Variants in SNX6 observed in about 807,000 individuals in gnomAD.
SNX6 encodes sorting nexin 6, also known as sorting nexin-6.
SNX6 carries 34 observed loss-of-function variants against 63.0 expected under a neutral mutation model. The ratio of observed to expected loss-of-function variants is 0.54; its 90% CI spans 0.41 to 0.72. The LOEUF (loss-of-function observed/expected upper bound fraction) is 0.72. SNX6 is among the 30% of genes least tolerant of loss of function. SNX6 has a pLI of 0.00. For missense variants in SNX6, 398 were observed against 471.4 expected (o/e 0.84, Z 1.44); for synonymous variants, 170 against 164.2 (o/e 1.04, Z -0.27).
rs754259137 is a variant in SNX6, at chr14:34,597,549, C to T, written c.612+1G>A. 1 of 1,545,738 alleles carries T rather than the reference C, an allele frequency of 6.5e-7. No homozygotes were observed. Among genetic ancestry groups the T allele is most frequent in the Admixed American group, 1.7e-5 (1 of 57,168 alleles). Reference sequence around the variant, plus strand: ...CCACAGTTAATCAAATAAAATCTTACCTTTACTCCTGAAACGATTACTCCA... The same window carrying T: ...CCACAGTTAATCAAATAAAATCTTATCTTTACTCCTGAAACGATTACTCCA... On this transcript the variant is annotated splice_donor_variant, in intron 7 of 13. Transcript: ENST00000362031. LOFTEE classifies it high-confidence loss of function.
intron 3 of SNX6, among the ~76,000 whole-genome samples, chr14:34,609,023 G>A (rs562309532): frequency 1.1e-4 from 16 of 151,592 alleles, no homozygotes; most frequent in Admixed American, 9.9e-4. Flanking sequence ...CAGAGACTCC[G>A]TCTCAAAAAA....
At chr14:34,629,480 A>C in intron 2 of SNX6, 1 of 476,802 alleles carries the variant, frequency 2.1e-6, no homozygotes, top group Non-Finnish European at 4.1e-6. Context: ...AGAGAGACAG[A>C]AGGGTGGGCG....
chr14:34,572,581 G>A (rs1434789218), intron 11 of SNX6, among the ~76,000 whole-genome samples: 1 of 152,076 alleles, frequency 6.6e-6, no homozygotes, highest in African/African-American at 2.4e-5. Flanking sequence ...GATCAGGTGG[G>A]AATTTTGTGT....
chr14:34,581,460 C>T (rs1881931564), intron 10 of SNX6, 101 bp downstream of exon 10: 1 of 653,222 alleles, frequency 1.5e-6, no homozygotes, highest in Non-Finnish European at 2.7e-6. Context: ...CAATAGTGAT[C>T]ACTCTTTTAA....
chr14:34,568,722 AGCGATTCTGTC>A, intron 11 of SNX6: 1 of 885,920 alleles, frequency 1.1e-6, no homozygotes. Flanking sequence ...CCACCTGTCC[AGCGATTCTGTC>A]CAGATCTCTC....
chr14:34,575,623 A>G, intron 11 of SNX6, 133 bp downstream of exon 11: 1 of 450,252 alleles, frequency 2.2e-6, no homozygotes, highest in Non-Finnish European at 4.1e-6. Context: ...TAAAAGGAGA[A>G]ATAGAATTCA....
At chr14:34,610,909 A>G (rs1883203031) in intron 2 of SNX6, among the ~76,000 whole-genome samples, 3 of 152,200 alleles carry the variant, frequency 2.0e-5, no homozygotes, top group Admixed American at 2.0e-4. Context: ...AATTTTAATT[A>G]TATTGTAAAT....
At chr14:34,607,348 G>A (rs1408208974) in intron 4 of SNX6, among the ~76,000 whole-genome samples, 2 of 151,900 alleles carry the variant, frequency 1.3e-5, no homozygotes, top group Non-Finnish European at 2.9e-5. Flanking sequence ...GCTCATGCCT[G>A]TAATCCCAGA....
intron 2 of SNX6, among the ~76,000 whole-genome samples, chr14:34,611,141 C>T (rs543986598): frequency 3.3e-5 from 5 of 152,222 alleles, no homozygotes; most frequent in Admixed American, 2.6e-4. Context: ...TATAGTCGTG[C>T]GCCCCCACAT....
At chr14:34,589,199 T>C (rs1026903621) in intron 8 of SNX6, among the ~76,000 whole-genome samples, 1 of 152,064 alleles carries the variant, frequency 6.6e-6, no homozygotes, top group East Asian at 1.9e-4. Context: ...CTCACGCCTG[T>C]AATCCCAGCA....
intron 13 of SNX6, 110 bp downstream of exon 13, chr14:34,567,576 T>C (rs921828828): frequency 2.5e-4 from 197 of 800,120 alleles, no homozygotes; most frequent in Middle Eastern, 8.3e-4. Context: ...TCAGGAATAG[T>C]TGTCACAGTA....
chr14:34,605,067 T>G (rs1882962000), intron 5 of SNX6, among the ~76,000 whole-genome samples: 1 of 152,146 alleles, frequency 6.6e-6, no homozygotes, highest in South Asian at 2.1e-4. Flanking sequence ...TGTATTAGTT[T>G]CTTGAAAAAA....
rs535027186 is a variant in SNX6, at chr14:34,580,591, G to C, written c.834+970C>G. Among the ~76,000 whole-genome samples, 9 of 152,020 alleles carry C rather than the reference G, an allele frequency of 5.9e-5. No homozygotes were observed. The East Asian group carries it at 1.5e-3, about 26-fold the overall frequency. ...TGGCATTATGGGCGTGACCCACCTG[G>C]CCTGGTTCCTTTATTCTTATTGGTA... On this transcript the variant is annotated intron_variant, in intron 10 of 13. Coordinates refer to ENST00000362031, the MANE Select transcript of SNX6 (RefSeq NM_152233.4).
intron 7 of SNX6, among the ~76,000 whole-genome samples, chr14:34,597,003 C>T (rs960862794): frequency 2.6e-5 from 4 of 152,192 alleles, no homozygotes; most frequent in African/African-American, 7.2e-5. Context: ...CAAAGCTGAA[C>T]CTAGGTCTGC....
chr14:34,592,962 T>C (rs905822568), intron 8 of SNX6, 83 bp downstream of exon 8: 4 of 997,294 alleles, frequency 4.0e-6, no homozygotes, highest in African/African-American at 3.3e-5. Context: ...TACTGCTCTA[T>C]ATTAAGACTT....
At chr14:34,614,623 T>C (rs952633318) in intron 2 of SNX6, among the ~76,000 whole-genome samples, 3 of 152,144 alleles carry the variant, frequency 2.0e-5, no homozygotes, top group Non-Finnish European at 4.4e-5. Flanking sequence ...TTAATATTTA[T>C]ATGAAATATT....
At chr14:34,618,396 G>A (rs1883504706) in intron 2 of SNX6, among the ~76,000 whole-genome samples, 1 of 152,098 alleles carries the variant, frequency 6.6e-6, no homozygotes, top group African/African-American at 2.4e-5. Context: ...TGTCGCCAAG[G>A]CTGGAGTACA....
At chr14:34,600,803 C>T (rs1566482151) in intron 6 of SNX6, among the ~76,000 whole-genome samples, 1 of 151,942 alleles carries the variant, frequency 6.6e-6, no homozygotes, top group African/African-American at 2.4e-5. Flanking sequence ...CTTGGGAGGC[C>T]GACGCAGGCA....
At position 34,609,764 on chromosome 14, in the gene SNX6, C is replaced by T. The variant is rs372530906; in HGVS notation, c.55-22G>A. ...TAAGCTAGAAAAAGAAAACCAGTAT[C>T]TTCATGAAAATCATGTTTTATATAA... On this transcript the variant is annotated intron_variant, in intron 2 of 13. Transcript: ENST00000362031. The T allele has an allele frequency of 6.9e-6, 10 of 1,451,432 alleles. No individual in the cohort carries two copies. In the African/African-American group the frequency reaches 1.4e-4, roughly 20 times the overall value. The allele number at this position is 1,451,432 out of a possible 1,614,324, so 89.9% of individuals were successfully genotyped here.
Sources: gnomAD v4.1 joint callset for allele counts (sites outside exome capture counted in the v4.1 genomes callset) on GRCh38, gnomAD v4.1.1 for gene constraint, MANE v1.5 for transcripts, NCBI Gene and HGNC (gene_info 2026-07-23, HGNC 2026-07-21) for gene names.